Variants in MS4A18 observed in about 807,000 individuals in gnomAD.
MS4A18 encodes membrane-spanning 4-domains subfamily A member 18.
In MS4A18, 27 loss-of-function variants were observed where a neutral mutation model predicts 13.1. The ratio of observed to expected loss-of-function variants is 2.06; its 90% CI spans 1.52 to 2.84. The LOEUF (loss-of-function observed/expected upper bound fraction) is 2.84, where lower values mean the gene tolerates loss of function less well. MS4A18 is among the 30% of genes most tolerant of loss of function. The pLI, the probability that MS4A18 is intolerant of heterozygous loss-of-function variation, is 0.00. For missense variants in MS4A18, 307 were observed against 196.4 expected (o/e 1.56, Z -3.37); for synonymous variants, 126 against 76.5 (o/e 1.65, Z -3.38).
chr11:60,733,394 G>A (rs937240964), intron 1 of MS4A18, 140 bp from the exon 3 acceptor site: 2 of 629,548 alleles, frequency 3.2e-6, no homozygotes, highest in Admixed American at 2.5e-5. Context: ...TCAGAGATTT[G>A]TATCCATTTG....
chr11:60,741,273 A>G (rs1853411419), intron 5 of MS4A18, 130 bp downstream of exon 6: 7 of 671,768 alleles, frequency 1.0e-5, no homozygotes, highest in Non-Finnish European at 1.4e-5. Context: ...TTTGCTGCAT[A>G]GCTACCTACC....
upstream of MS4A18, among the ~76,000 whole-genome samples, chr11:60,727,315 A>G (rs1853175442): frequency 6.6e-6 from 1 of 152,150 alleles, no homozygotes; most frequent in Non-Finnish European, 1.5e-5. Flanking sequence ...CACCCTTTGG[A>G]GAAGGTGCCA....
upstream of MS4A18, among the ~76,000 whole-genome samples, chr11:60,725,037 T>C (rs989104170): frequency 2.0e-5 from 3 of 152,208 alleles, no homozygotes; most frequent in Non-Finnish European, 2.9e-5. Context: ...TGTCTCTGCA[T>C]GGACACAGCA....
At chr11:60,728,113 C>G (rs369472414), upstream of MS4A18, among the ~76,000 whole-genome samples, 1 of 152,156 alleles carries the variant, frequency 6.6e-6, no homozygotes, top group Non-Finnish European at 1.5e-5. Context: ...ATGGACAAGA[C>G]CCATGAAGAG....
At chr11:60,729,821 C>A in intron 1 of MS4A18, 35 bp downstream of exon 2, 1 of 669,230 alleles carries the variant, frequency 1.5e-6, no homozygotes, top group South Asian at 1.7e-5. Flanking sequence ...CGATTTGGGT[C>A]ACTTCATAAG....
chr11:60,740,883 T>C, intron 4 of MS4A18, 147 bp from the exon 6 acceptor site: 1 of 640,314 alleles, frequency 1.6e-6, no homozygotes, highest in Non-Finnish European at 2.8e-6. Flanking sequence ...GCATATAAAA[T>C]GGGTGACCCA....
At chr11:60,730,122 G>A (rs1052366750) in intron 1 of MS4A18, among the ~76,000 whole-genome samples, 1 of 152,212 alleles carries the variant, frequency 6.6e-6, no homozygotes, top group Non-Finnish European at 1.5e-5. Flanking sequence ...CCAGGTCTCA[G>A]GCCAGCTAGA....
upstream of MS4A18, among the ~76,000 whole-genome samples, chr11:60,725,689 TATTC>T (rs1853145883): frequency 6.6e-6 from 1 of 152,132 alleles, no homozygotes; most frequent in Non-Finnish European, 1.5e-5. Context: ...TTTAGCACAG[TATTC>T]ATTATGAAAA....
chr11:60,740,602 G>A (rs1344067931), intron 4 of MS4A18, among the ~76,000 whole-genome samples: 1 of 152,190 alleles, frequency 6.6e-6, no homozygotes, highest in Admixed American at 6.5e-5. Context: ...GTCTCAGTTT[G>A]GGTTCCTCCC....
exon 6 of MS4A18, chr11:60,744,002 GCA>G: frequency 1.4e-6 from 1 of 699,444 alleles, no homozygotes; most frequent in South Asian, 1.5e-5. Flanking sequence ...TAGCTGATTT[GCA>G]CAGAGATAGA....
chr11:60,729,497 A>T (rs1380026679), exon 1 of MS4A18: 7 of 702,712 alleles, frequency 1.0e-5, no homozygotes, highest in Non-Finnish European at 1.8e-5. Context: ...AACTTACAGA[A>T]TCTACTCGTG....
intron 2 of MS4A18, among the ~76,000 whole-genome samples, chr11:60,736,270 T>C (rs2134678302): frequency 6.7e-6 from 1 of 148,666 alleles, no homozygotes; most frequent in Admixed American, 6.9e-5. Flanking sequence ...TATGCCCATT[T>C]GCCAGATGAA....
chr11:60,728,494 CCTCT>C (rs925842685), upstream of MS4A18, among the ~76,000 whole-genome samples: 1 of 143,904 alleles, frequency 6.9e-6, no homozygotes, highest in African/African-American at 2.7e-5. Flanking sequence ...TCCCTCCTTC[CCTCT>C]CTCTGTGTGT....
At chr11:60,736,231 T>C (rs577896108) in intron 2 of MS4A18, among the ~76,000 whole-genome samples, 1 of 152,116 alleles carries the variant, frequency 6.6e-6, no homozygotes, top group East Asian at 1.9e-4. Flanking sequence ...ATGACCCACT[T>C]GCAGATAGAG....
At chr11:60,736,912 G>A in intron 2 of MS4A18, 66 bp from the exon 4 acceptor site, 2 of 683,876 alleles carry the variant, frequency 2.9e-6, no homozygotes, top group Non-Finnish European at 5.3e-6. Flanking sequence ...TCTCTGAGTG[G>A]ACAGCTGTCT....
chr11:60,731,530 A>G (rs1253100361), intron 1 of MS4A18, among the ~76,000 whole-genome samples: 1 of 152,244 alleles, frequency 6.6e-6, no homozygotes, highest in Non-Finnish European at 1.5e-5. Flanking sequence ...AACTTTGCCA[A>G]TGTCTCCCTT....
upstream of MS4A18, among the ~76,000 whole-genome samples, chr11:60,726,182 C>G (rs1164176817): frequency 6.6e-6 from 1 of 152,012 alleles, no homozygotes; most frequent in Non-Finnish European, 1.5e-5. Flanking sequence ...GAGCCTTGGT[C>G]TCCCTACTTT....
downstream of MS4A18, among the ~76,000 whole-genome samples, chr11:60,744,649 G>A (rs952624421): frequency 6.6e-6 from 1 of 151,984 alleles, no homozygotes; most frequent in Non-Finnish European, 1.5e-5. Flanking sequence ...AATATATAAA[G>A]AACTCTCTAA....
intron 1 of MS4A18, among the ~76,000 whole-genome samples, chr11:60,730,734 G>T (rs555086721): frequency 6.6e-6 from 1 of 152,176 alleles, no homozygotes; most frequent in East Asian, 1.9e-4. Context: ...ACAAGGCGTT[G>T]TTTGCCTCCC....
Sources: gnomAD v4.1 joint callset for allele counts (sites outside exome capture counted in the v4.1 genomes callset) on GRCh38, gnomAD v4.1.1 for gene constraint, MANE v1.5 for transcripts, NCBI Gene and HGNC (gene_info 2026-07-23, HGNC 2026-07-21) for gene names.